Variants in AIMP1 observed in about 807,000 individuals in gnomAD.
AIMP1 encodes the protein aminoacyl tRNA synthase complex-interacting multifunctional protein 1.
In AIMP1, 24 loss-of-function variants were observed where a neutral mutation model predicts 33.1. The observed-to-expected ratio is 0.73, with a 90% CI of 0.53 to 1.02. The LOEUF (loss-of-function observed/expected upper bound fraction) is 1.02. AIMP1 is among the 50% of genes least tolerant of loss of function. AIMP1 has a pLI of 0.00. For missense variants in AIMP1, 367 were observed against 364.8 expected, an observed-to-expected ratio of 1.01 and a Z score of -0.05; for synonymous variants, 120 against 121.5, an observed-to-expected ratio of 0.99 and a Z score of 0.08.
chr4:106,340,685 C>T (rs1770062579), intron 6 of AIMP1, among the ~76,000 whole-genome samples: 1 of 151,976 alleles, frequency 6.6e-6, no homozygotes, highest in Non-Finnish European at 1.5e-5. Context: ...TAATCCAATC[C>T]ACTGTTGATG....
intron 6 of AIMP1, among the ~76,000 whole-genome samples, chr4:106,337,591 T>C (rs1769937991): frequency 6.6e-6 from 1 of 152,242 alleles, no homozygotes; most frequent in African/African-American, 2.4e-5. Context: ...GCCTCGAGTA[T>C]ATCTTTATTA....
Position 106,329,772 on chromosome 4 carries a change from C to CTTTTTTTT in AIMP1, c.391+1552_391+1559dup, listed in dbSNP as rs59016309. The stretch of plus-strand genomic sequence containing the variant: ...ATGATCTTTCTAGACTGCTACATAT[C>CTTTTTTTT]TTTTTTTTTTTTTTTTTTTTTTTTT... On this transcript the variant is annotated intron_variant, in intron 4 of 6. Transcript: ENST00000672341. Among the ~76,000 whole-genome samples the CTTTTTTTT allele has an allele frequency of 2.3e-4, 12 of 53,086 alleles. 2 individuals are homozygous for CTTTTTTTT. Among genetic ancestry groups the CTTTTTTTT allele is most frequent in the Admixed American group, 3.9e-4 (2 of 5,170 alleles). The allele number at this position is 53,086 out of a possible 152,430, so 34.8% of individuals were successfully genotyped here.
chr4:106,336,984 C>G lies in AIMP1; in HGVS notation c.719C>G (p.Ala240Gly). The G allele has an allele frequency of 6.2e-7, 1 of 1,614,094 alleles. No homozygotes were observed. Among genetic ancestry groups the G allele is most frequent in the Non-Finnish European group, 8.5e-7 (1 of 1,179,988 alleles). Residue 240 changes from alanine to glycine, a missense_variant, in exon 6 of 7, where the codon GCT (alanine) becomes GGT (glycine). By Grantham distance (60) the Ala-to-Gly change is moderately conservative. Transcript: ENST00000672341. Reference protein sequence around the residue: ...ASSPEKIEILAPPNGSVPGDR... With the variant: ...ASSPEKIEILGPPNGSVPGDR... ...TCACCAGAGAAAATTGAAATCTTGG[C>G]TCCTCCAAATGGGTCTGTTCCTGGA...
Position 106,337,070 on chromosome 4 carries a change from C to T in AIMP1, c.772+33C>T, listed in dbSNP as rs3109954. The T allele has an allele frequency of 0.05, 78,669 of 1,585,238 alleles. 4,521 individuals carry two copies. Among genetic ancestry groups the T allele is most frequent in the East Asian group, 0.26 (11,713 of 44,674 alleles). ...TTTATTAGTAATTACTTAATAGTTT[C>T]GGAATCAGTTCTCAAAGTGATGTTT... On this transcript the variant is annotated intron_variant, in intron 6 of 6. Transcript: ENST00000672341.
chr4:106,335,056 G>T (rs960350576), intron 5 of AIMP1, among the ~76,000 whole-genome samples: 1 of 152,206 alleles, frequency 6.6e-6, no homozygotes, highest in Non-Finnish European at 1.5e-5. Context: ...ACATTGGTCA[G>T]CCTGACATTT....
At chr4:106,317,285 A>G (rs898105602) in intron 1 of AIMP1, among the ~76,000 whole-genome samples, 9 of 152,212 alleles carry the variant, frequency 5.9e-5, no homozygotes, top group Admixed American at 1.3e-4. Context: ...GAAACGTGCT[A>G]GAATAGCAAG....
chr4:106,341,787 C>T (rs1269804890), intron 6 of AIMP1, among the ~76,000 whole-genome samples: 1 of 152,054 alleles, frequency 6.6e-6, no homozygotes, highest in African/African-American at 2.4e-5. Context: ...TTCCTCATTC[C>T]ACGCAAATTT....
At chr4:106,335,786 A>G (rs1769850920) in intron 5 of AIMP1, among the ~76,000 whole-genome samples, 1 of 151,412 alleles carries the variant, frequency 6.6e-6, no homozygotes, top group Non-Finnish European at 1.5e-5. Context: ...TATTTATAAA[A>G]CCATCTTTTA....
chr4:106,322,095 C>G (rs1013608395), intron 1 of AIMP1, among the ~76,000 whole-genome samples: 5 of 152,074 alleles, frequency 3.3e-5, no homozygotes, highest in Non-Finnish European at 5.9e-5. Context: ...CAGCATGCTC[C>G]TTAAGAGTTA....
At chr4:106,330,070 A>C in intron 4 of AIMP1, among the ~76,000 whole-genome samples, 1 of 152,100 alleles carries the variant, frequency 6.6e-6, no homozygotes, top group Admixed American at 6.5e-5. Context: ...GGCATGAGCC[A>C]CCATGCCCAG....
At chr4:106,325,164 A>C in intron 2 of AIMP1, 46 bp downstream of exon 2, 1 of 1,499,654 alleles carries the variant, frequency 6.7e-7, no homozygotes, top group South Asian at 1.2e-5. Flanking sequence ...AAATGAATTC[A>C]TACATTGATG....
At chr4:106,326,110 C>T (rs1421777947) in intron 2 of AIMP1, among the ~76,000 whole-genome samples, 3 of 152,116 alleles carry the variant, frequency 2.0e-5, no homozygotes, top group African/African-American at 7.2e-5. Flanking sequence ...ATGATTTATT[C>T]AAACTGATGA....
In AIMP1 at chr4:106,327,713, G is replaced by A. The variant is rs141893990; in HGVS notation, c.223+149G>A. The stretch of plus-strand genomic sequence containing the variant: ...ACTCAGATTTATCAATAAAATGGGG[G>A]CATGGATAGAACCTACTTCTTAGAG... On this transcript the variant is annotated intron_variant, in intron 3 of 6. Coordinates refer to ENST00000672341, the MANE Select transcript of AIMP1 (RefSeq NM_001142416.2). The A allele has an allele frequency of 7.2e-4, 458 of 635,012 alleles. 5 individuals are homozygous for A. In the East Asian group the frequency reaches 0.01, roughly 14 times the overall value. The allele number at this position is 635,012 out of a possible 1,614,324, so 39.3% of individuals were successfully genotyped here.
At chr4:106,339,627 A>G (rs543452830) in intron 6 of AIMP1, among the ~76,000 whole-genome samples, 1 of 152,340 alleles carries the variant, frequency 6.6e-6, no homozygotes, top group South Asian at 2.1e-4. Context: ...AGAACAGACT[A>G]ACAGAACACC....
rs139061247 is a variant in AIMP1, at chr4:106,335,601, C to G, written c.604-1268C>G. 1.0e-3 allele frequency among the ~76,000 whole-genome samples: 152 copies of G among 152,280 alleles called. 2 individuals are homozygous for G. The East Asian group carries it at 0.021, about 21-fold the overall frequency. On this transcript the variant is annotated intron_variant, in intron 5 of 6. Transcript: ENST00000672341. ...TTGCATCTTACTAATCCTGTTGCTA[C>G]TCTTAAACACTTTTGCTGTAACTTT...
intron 5 of AIMP1, 77 bp from the exon 6 acceptor site, chr4:106,336,792 G>A (rs191667452): frequency 7.6e-6 from 10 of 1,312,630 alleles, no homozygotes; most frequent in East Asian, 2.3e-5. Flanking sequence ...AGCATATTAG[G>A]TGTAGCTTAA....
intron 4 of AIMP1, among the ~76,000 whole-genome samples, chr4:106,330,824 T>G (rs947743514): frequency 6.6e-6 from 1 of 152,204 alleles, no homozygotes; most frequent in African/African-American, 2.4e-5. Context: ...GTAAATAAGG[T>G]TTTATTTTGA....
At chr4:106,344,529 C>A (rs1414004152) in intron 6 of AIMP1, among the ~76,000 whole-genome samples, 1 of 152,188 alleles carries the variant, frequency 6.6e-6, no homozygotes, top group African/African-American at 2.4e-5. Context: ...AAGCCAACAT[C>A]TCTTTTCTGC....
At chr4:106,335,212 C>T (rs1190197216) in intron 5 of AIMP1, among the ~76,000 whole-genome samples, 2 of 151,942 alleles carry the variant, frequency 1.3e-5, no homozygotes, top group South Asian at 2.1e-4. Flanking sequence ...TATATAGGAC[C>T]AGAACTGATT....
Sources: allele counts gnomAD v4.1 joint callset (sites outside exome capture counted in the v4.1 genomes callset), GRCh38; gene constraint gnomAD v4.1.1; transcripts MANE v1.5; gene names NCBI Gene and HGNC (gene_info 2026-07-23, HGNC 2026-07-21).